Variants in SNTB1 observed in about 807,000 individuals in gnomAD.
The protein encoded by SNTB1 is beta-1-syntrophin.
Under a neutral mutation model 48.9 loss-of-function variants are expected in SNTB1, and 36 were observed. That is an observed-to-expected ratio of 0.74 (90% confidence interval 0.56 to 0.97). The LOEUF is 0.97. Among genes scored for constraint, SNTB1 ranks in the 50% least tolerant of loss-of-function variants. SNTB1 has a pLI of 0.00. For synonymous variants in SNTB1, 299 were observed against 294.6 expected, an observed-to-expected ratio of 1.01 and a Z score of -0.15; for missense variants, 786 against 703.4, an observed-to-expected ratio of 1.12 and a Z score of -1.33.
chr8:120,750,650 C>CA (rs1349798562), intron 1 of SNTB1, among the ~76,000 whole-genome samples: 1 of 152,008 alleles, frequency 6.6e-6, no homozygotes, highest in African/African-American at 2.4e-5. Context: ...TAATTGAATA[C>CA]ACTGGGGTGT....
rs371764926 is a variant in SNTB1, at chr8:120,646,725, G to C, written c.789-14074C>G. Reference sequence around the variant, plus strand: ...CCCTCTTTTTCTATTGATTGGAATAGTTTCAGAAGGAATGGTACCAGTTCC... The same window carrying C: ...CCCTCTTTTTCTATTGATTGGAATACTTTCAGAAGGAATGGTACCAGTTCC... On this transcript the variant is annotated intron_variant, in intron 2 of 6. Transcript: ENST00000517992. Among the ~76,000 whole-genome samples, 4 of 152,036 alleles carry C rather than the reference G, an allele frequency of 2.6e-5. 1 individual carries two copies. The East Asian group carries it at 7.7e-4, about 29-fold the overall frequency.
intron 1 of SNTB1, among the ~76,000 whole-genome samples, chr8:120,783,580 G>T (rs1252438225): frequency 6.6e-6 from 1 of 151,798 alleles, no homozygotes; most frequent in Non-Finnish European, 1.5e-5. Flanking sequence ...CCTCCAACTT[G>T]CCCTGATAGA....
chr8:120,797,010 T>C (rs181603430), intron 1 of SNTB1, among the ~76,000 whole-genome samples: 44 of 152,216 alleles, frequency 2.9e-4, no homozygotes, highest in Admixed American at 1.6e-3. Flanking sequence ...AATGGAATTT[T>C]ACAAACCATT....
intron 4 of SNTB1, among the ~76,000 whole-genome samples, chr8:120,555,982 T>C (rs1815560749): frequency 6.6e-6 from 1 of 152,116 alleles, no homozygotes. Flanking sequence ...TCCAGAACTG[T>C]GAAAACTAAA....
chr8:120,544,790 C>CT (rs113100073), intron 5 of SNTB1, among the ~76,000 whole-genome samples: 25,539 of 114,048 alleles, frequency 0.22, 3,464 homozygotes, highest in East Asian at 0.57. Context: ...AAATTCAAAA[C>CT]TTTTTTTTTT....
At chr8:120,807,980 T>C (rs191378678) in intron 1 of SNTB1, among the ~76,000 whole-genome samples, 9 of 152,228 alleles carry the variant, frequency 5.9e-5, no homozygotes, top group Non-Finnish European at 1.2e-4. Flanking sequence ...AATGGCACAA[T>C]CTCAGCTCAC....
At chr8:120,669,655 T>A (rs1241450048) in intron 2 of SNTB1, among the ~76,000 whole-genome samples, 1 of 44,370 alleles carries the variant, frequency 2.3e-5, no homozygotes, top group Non-Finnish European at 3.7e-5. Context: ...GGTTTCACCG[T>A]GTTAGCCAGG....
chr8:120,699,367 A>G (rs7845925), intron 1 of SNTB1, among the ~76,000 whole-genome samples: 50,855 of 152,190 alleles, frequency 0.33, 11,256 homozygotes, highest in East Asian at 0.67. Flanking sequence ...CAGATCCCTC[A>G]TGAATGGCTT....
At position 120,538,403 on chromosome 8, in the gene SNTB1, C is replaced by A; in HGVS notation, c.*474G>T. 4.9e-6 allele frequency: 1 copy of A among 203,016 alleles called. No individual in the cohort carries two copies. Among genetic ancestry groups the A allele is most frequent in the Non-Finnish European group, 1.1e-5 (1 of 94,370 alleles). 12.6% of individuals were successfully genotyped at this position (203,016 alleles called of 1,614,324 possible). ...TTCCTACAAGGGAAAGTCAACTCAG[C>A]AAGAATTAGGAAATAAATCACAATA... On this transcript the variant is annotated 3_prime_UTR_variant, in exon 7 of 7. Coordinates refer to ENST00000517992, the MANE Select transcript of SNTB1 (RefSeq NM_021021.4).
intron 2 of SNTB1, among the ~76,000 whole-genome samples, chr8:120,648,466 C>G (rs1457660838): frequency 3.4e-5 from 5 of 147,384 alleles, no homozygotes; most frequent in Non-Finnish European, 7.5e-5. Flanking sequence ...GTTGAAAATT[C>G]TTTTCTTTAA....
chr8:120,609,599 A>T (rs1002007768), intron 3 of SNTB1, among the ~76,000 whole-genome samples: 3 of 152,200 alleles, frequency 2.0e-5, no homozygotes, highest in Admixed American at 2.0e-4. Flanking sequence ...AACCACCTTT[A>T]AAAAATTTGT....
intron 1 of SNTB1, among the ~76,000 whole-genome samples, chr8:120,739,447 A>T (rs1819007028): frequency 6.6e-6 from 1 of 152,244 alleles, no homozygotes; most frequent in African/African-American, 2.4e-5. Context: ...TTTTTGTCAA[A>T]AAAGGGAATT....
chr8:120,691,306 A>G (rs542565787), intron 2 of SNTB1, among the ~76,000 whole-genome samples: 1 of 152,324 alleles, frequency 6.6e-6, no homozygotes, highest in African/African-American at 2.4e-5. Flanking sequence ...TTTTCTGGAA[A>G]TGATTAACTG....
At chr8:120,621,045 C>T (rs932815595) in intron 3 of SNTB1, among the ~76,000 whole-genome samples, 3 of 152,014 alleles carry the variant, frequency 2.0e-5, no homozygotes, top group African/African-American at 7.3e-5. Flanking sequence ...CTGCAACCTC[C>T]ACCTCCCGGG....
At chr8:120,692,172 C>T (rs763673843) in intron 2 of SNTB1, among the ~76,000 whole-genome samples, 12 of 152,106 alleles carry the variant, frequency 7.9e-5, no homozygotes, top group Non-Finnish European at 1.5e-4. Flanking sequence ...TAGAAAGATC[C>T]TGCAGCTGGC....
In SNTB1 at chr8:120,548,969, A is replaced by T; in HGVS notation, c.1137-11T>A. The T allele has an allele frequency of 2.0e-6, 3 of 1,536,736 alleles. No individual in the cohort carries two copies. Among genetic ancestry groups the T allele is most frequent in the Non-Finnish European group, 2.6e-6 (3 of 1,144,252 alleles). On this transcript the variant is annotated splice_polypyrimidine_tract_variant and intron_variant, in intron 4 of 6. Transcript: ENST00000517992. Reference sequence around the variant, plus strand: ...CCTGAATGGACCAGCCTGGAGAGAGAGAGAGAGAGACATCATCAAAATGGA... The same window carrying T: ...CCTGAATGGACCAGCCTGGAGAGAGTGAGAGAGAGACATCATCAAAATGGA...
At chr8:120,668,092 T>C (rs754685951) in intron 2 of SNTB1, among the ~76,000 whole-genome samples, 8 of 152,234 alleles carry the variant, frequency 5.3e-5, no homozygotes, top group Non-Finnish European at 8.8e-5. Context: ...CAGGATTCTC[T>C]GTGTAGTTCT....
intron 1 of SNTB1, among the ~76,000 whole-genome samples, chr8:120,748,692 T>G (rs1368281213): frequency 1.3e-5 from 2 of 152,260 alleles, no homozygotes; most frequent in Non-Finnish European, 2.9e-5. Context: ...GGGGTTATGC[T>G]GTTAATGCTT....
At chr8:120,770,554 G>A (rs1208037989) in intron 1 of SNTB1, among the ~76,000 whole-genome samples, 1 of 152,144 alleles carries the variant, frequency 6.6e-6, no homozygotes, top group Non-Finnish European at 1.5e-5. Flanking sequence ...GCTCACACCT[G>A]TAATCCCAGC....
Sources: gnomAD v4.1 joint callset for allele counts (sites outside exome capture counted in the v4.1 genomes callset) on GRCh38, gnomAD v4.1.1 for gene constraint, MANE v1.5 for transcripts, NCBI Gene and HGNC (gene_info 2026-07-23, HGNC 2026-07-21) for gene names.